The following GATAD2A variants were observed in gnomAD, a reference collection of about 807,000 sequenced individuals.
GATAD2A encodes the protein transcriptional repressor p66-alpha.
In GATAD2A, 12 loss-of-function variants were observed where a neutral mutation model predicts 68.5. That is an observed-to-expected ratio of 0.18 (90% CI 0.11 to 0.28). GATAD2A has a LOEUF of 0.28. Among genes scored for constraint, GATAD2A ranks in the 10% least tolerant of loss-of-function variants. The pLI, the probability that GATAD2A is intolerant of heterozygous loss-of-function variation, is 1.00. For synonymous variants in GATAD2A, 410 were observed against 375.3 expected, an observed-to-expected ratio of 1.09 and a Z score of -1.07; for missense variants, 755 against 868.5, an observed-to-expected ratio of 0.87 and a Z score of 1.64.
At chr19:19,505,163 C>G (rs1247216493) in intron 11 of GATAD2A, among the ~76,000 whole-genome samples, 181 bp from the exon 12 acceptor site, 1 of 149,612 alleles carries the variant, frequency 6.7e-6, no homozygotes, top group Non-Finnish European at 1.5e-5. Flanking sequence ...CCTAAATACT[C>G]TTCAGCTCTG....
Position 19,494,306 on chromosome 19 carries a change from G to T in GATAD2A, c.547G>T (p.Val183Phe). 1.2e-6 allele frequency: 2 copies of T among 1,608,482 alleles called. No homozygotes were observed. Among genetic ancestry groups the T allele is most frequent in the South Asian group, 1.1e-5 (1 of 90,964 alleles). ...EATAQKPTGS[V>F]GSTVTTPPPL... ...TGCTCTCTTGCAGCCCACAGGTTCT[G>T]TTGGGAGCACCGTGACCACCCCTCC... Residue 183 changes from valine (V) to phenylalanine (F), a missense_variant, in exon 5 of 12, where the codon GTT (valine) becomes TTT (phenylalanine). Transcript: ENST00000683918.
At chr19:19,398,701 G>A (rs2049457575) in intron 1 of GATAD2A, among the ~76,000 whole-genome samples, 1 of 151,962 alleles carries the variant, frequency 6.6e-6, no homozygotes, top group African/African-American at 2.4e-5. Context: ...ATTTTGGGAG[G>A]CTGAGGTGGG....
At chr19:19,488,248 C>T (rs2059571281) in intron 2 of GATAD2A, among the ~76,000 whole-genome samples, 2 of 152,358 alleles carry the variant, frequency 1.3e-5, no homozygotes, top group Middle Eastern at 3.4e-3. Flanking sequence ...CCCCACCTGC[C>T]GCTCCCCTGT....
chr19:19,470,761 A>G (rs560609463), intron 2 of GATAD2A, among the ~76,000 whole-genome samples: 4 of 152,278 alleles, frequency 2.6e-5, no homozygotes, highest in Admixed American at 6.5e-5. Context: ...ACAAAAAAAA[A>G]AGGAAGTAAC....
At chr19:19,410,479 A>C (rs2050789436) in intron 1 of GATAD2A, among the ~76,000 whole-genome samples, 1 of 152,062 alleles carries the variant, frequency 6.6e-6, no homozygotes, top group Non-Finnish European at 1.5e-5. Flanking sequence ...TGTTTGAAGG[A>C]TTTGTTGAAG....
chr19:19,440,226 G>T, intron 1 of GATAD2A: 1 of 291,958 alleles, frequency 3.4e-6, no homozygotes, highest in South Asian at 3.0e-5. Context: ...GGAAAGGTGG[G>T]GGGATTTGCT....
chr19:19,429,636 T>C (rs1022122532), intron 1 of GATAD2A, among the ~76,000 whole-genome samples: 5 of 151,564 alleles, frequency 3.3e-5, no homozygotes, highest in Non-Finnish European at 7.4e-5. Context: ...GTCTCCTCCT[T>C]CAAGGAGGCT....
Position 19,496,164 on chromosome 19 carries a change from G to C in GATAD2A, c.869G>C (p.Gly290Ala). The change falls in exon 7 of 12, where the codon GGC (glycine) becomes GCC (alanine). Residue 290 changes from glycine (G) to alanine (A), a missense_variant. Transcript: ENST00000683918. ...CAGGGACAGAGGATCATCCAGCAGG[G>C]CCTCATCCGCGTCGCCAATGTTCCC... ...QIQGQRIIQQ[G>A]LIRVANVPNT... The C allele has an allele frequency of 1.2e-6, 2 of 1,613,714 alleles. No homozygotes were observed.
intron 1 of GATAD2A, among the ~76,000 whole-genome samples, chr19:19,409,145 C>T (rs891944779): frequency 2.7e-5 from 4 of 150,920 alleles, no homozygotes; most frequent in Non-Finnish European, 5.9e-5. Flanking sequence ...TGTTTAAGGA[C>T]CATCATTAGC....
At chr19:19,404,356 T>C (rs558790691), upstream of GATAD2A, among the ~76,000 whole-genome samples, 2 of 152,284 alleles carry the variant, frequency 1.3e-5, no homozygotes, top group South Asian at 4.1e-4. Flanking sequence ...GGGCGTTACA[T>C]TGATTTTCTT....
intron 2 of GATAD2A, among the ~76,000 whole-genome samples, chr19:19,467,567 ATTG>A (rs2057971537): frequency 6.6e-6 from 1 of 152,064 alleles, no homozygotes; most frequent in Admixed American, 6.5e-5. Flanking sequence ...ATTTACCCAT[ATTG>A]TTGTGCATAC....
upstream of GATAD2A, among the ~76,000 whole-genome samples, chr19:19,400,876 G>C (rs1476463136): frequency 6.6e-6 from 1 of 152,066 alleles, no homozygotes; most frequent in Non-Finnish European, 1.5e-5. Context: ...GGCCCGATGT[G>C]GTGGCTCCTG....
chr19:19,492,543 G>C, intron 3 of GATAD2A, 38 bp from the exon 4 acceptor site: 1 of 1,612,912 alleles, frequency 6.2e-7, no homozygotes. Flanking sequence ...CCTCACCAAG[G>C]ACGCTCCCTC....
Position 19,492,597 on chromosome 19 carries a change from A to C in GATAD2A, c.419A>C (p.Glu140Ala). Residue 140 changes from glutamate (E) to alanine (A), a missense_variant, in exon 4 of 12, where the codon GAA (glutamate) becomes GCA (alanine). By Grantham distance (107) the Glu-to-Ala change is moderately radical (BLOSUM62 -1). Transcript: ENST00000683918. The part of the protein sequence containing the change: ...TEALMKSSPE[E>A]RERMIKQLKE... Reference sequence around the variant, plus strand: ...CCCCTGCAGAAAAGCAGTCCTGAAGAACGAGAAAGGATGATCAAGCAGCTG... The same window carrying C: ...CCCCTGCAGAAAAGCAGTCCTGAAGCACGAGAAAGGATGATCAAGCAGCTG... 1 of 1,614,238 alleles carries C rather than the reference A, an allele frequency of 6.2e-7. No homozygotes were observed. The highest frequency in any genetic ancestry group is 1.1e-5 in the South Asian group (1 of 91,092).
chr19:19,454,255 C>G (rs1020576282), intron 1 of GATAD2A, among the ~76,000 whole-genome samples: 7 of 150,912 alleles, frequency 4.6e-5, no homozygotes, highest in Non-Finnish European at 8.9e-5. Flanking sequence ...CTTGGCCTCC[C>G]GAAGTGCTGG....
At chr19:19,500,243 C>T (rs367694979) in intron 8 of GATAD2A, among the ~76,000 whole-genome samples, 2 of 152,176 alleles carry the variant, frequency 1.3e-5, no homozygotes, top group Admixed American at 6.5e-5. Flanking sequence ...ATGGGTTGGA[C>T]GTGTGCAAGG....
chr19:19,411,865 T>A (rs1448860418), intron 1 of GATAD2A, among the ~76,000 whole-genome samples: 2 of 152,192 alleles, frequency 1.3e-5, no homozygotes, highest in Non-Finnish European at 2.9e-5. Flanking sequence ...AGTTATCACA[T>A]ATAATGTAAC....
intron 2 of GATAD2A, among the ~76,000 whole-genome samples, chr19:19,492,012 G>C (rs751858): frequency 0.2 from 30,073 of 152,206 alleles, 3,256 homozygotes; most frequent in South Asian, 0.39. Flanking sequence ...GTTTTCCAAA[G>C]TCACCATGTC....
intron 1 of GATAD2A, among the ~76,000 whole-genome samples, chr19:19,456,814 C>T (rs1197694480): frequency 6.6e-6 from 1 of 152,196 alleles, no homozygotes; most frequent in African/African-American, 2.4e-5. Context: ...ATCTTCAGGT[C>T]TGACTCTTTG....
Sources: allele counts gnomAD v4.1 joint callset (sites outside exome capture counted in the v4.1 genomes callset), GRCh38; gene constraint gnomAD v4.1.1; transcripts MANE v1.5; gene names NCBI Gene and HGNC (gene_info 2026-07-23, HGNC 2026-07-21).